The following ETFA variants were observed in gnomAD, a reference collection of about 807,000 sequenced individuals.
The protein encoded by ETFA is electron transfer flavoprotein subunit alpha, mitochondrial.
In ETFA, 22 loss-of-function variants were observed where a neutral mutation model predicts 46.2. The observed-to-expected ratio is 0.48, with a 90% CI of 0.34 to 0.68. The LOEUF is 0.68. ETFA is among the 30% of genes least tolerant of loss of function. The pLI is 0.01. For missense variants in ETFA, 345 were observed against 401.1 expected (o/e 0.86, Z 1.19); for synonymous variants, 131 against 139.9 (o/e 0.94, Z 0.45).
intron 5 of ETFA, among the ~76,000 whole-genome samples, chr15:76,286,893 A>G (rs2291449): frequency 0.064 from 9,809 of 152,304 alleles, 429 homozygotes; most frequent in Non-Finnish European, 0.091. Flanking sequence ...TGAAAACACA[A>G]TAGGTCATAA....
At chr15:76,236,602 A>G (rs184426203) in intron 9 of ETFA, among the ~76,000 whole-genome samples, 9 of 152,346 alleles carry the variant, frequency 5.9e-5, no homozygotes, top group African/African-American at 1.2e-4. Flanking sequence ...TACAGGTTCT[A>G]TTATGCTCAA....
intron 1 of ETFA, among the ~76,000 whole-genome samples, chr15:76,299,111 C>G (rs2039855996): frequency 6.6e-6 from 1 of 152,184 alleles, no homozygotes; most frequent in Admixed American, 6.5e-5. Context: ...ATCTCGATCT[C>G]TTCAAACACT....
intron 11 of ETFA, among the ~76,000 whole-genome samples, chr15:76,216,840 C>CTTTTTTTTTT (rs373144812): frequency 2.2e-5 from 2 of 89,276 alleles, no homozygotes; most frequent in Non-Finnish European, 4.0e-5. Context: ...TGCCTTTTGC[C>CTTTTTTTTTT]TTTTTTTTTT....
chr15:76,295,785 G>GTTTT, intron 1 of ETFA, 48 bp from the exon 2 acceptor site: 1 of 1,423,482 alleles, frequency 7.0e-7, no homozygotes, highest in Non-Finnish European at 9.5e-7. Context: ...GTTGTCACAG[G>GTTTT]GTTTTTTTTT....
intron 9 of ETFA, among the ~76,000 whole-genome samples, chr15:76,246,986 T>C (rs555899820): frequency 2.6e-5 from 4 of 152,350 alleles, no homozygotes; most frequent in Non-Finnish European, 4.4e-5. Flanking sequence ...TGCATTCCTA[T>C]ATATCTACAT....
chr15:76,295,827 TTA>T, intron 1 of ETFA, 90 bp from the exon 2 acceptor site: 1 of 981,070 alleles, frequency 1.0e-6, no homozygotes, highest in Non-Finnish European at 1.5e-6. Context: ...CATGTATGCT[TTA>T]AAGAAAACTA....
In ETFA at chr15:76,285,754, C is replaced by T. The variant is rs771138169; in HGVS notation, c.563-16G>A. On this transcript the variant is annotated splice_polypyrimidine_tract_variant and intron_variant, in intron 6 of 11. Transcript: ENST00000557943. Reference sequence around the variant, plus strand: ...GTACTTGATGCTGCATACATTAATACATAATAAAACAATGACTATGATTTC... The same window carrying T: ...GTACTTGATGCTGCATACATTAATATATAATAAAACAATGACTATGATTTC... 1 of 1,344,852 alleles carries T rather than the reference C, an allele frequency of 7.4e-7. No individual in the cohort carries two copies. Among genetic ancestry groups the T allele is most frequent in the Non-Finnish European group, 1.1e-6 (1 of 934,564 alleles). The allele number at this position is 1,344,852 out of a possible 1,614,324, so 83.3% of individuals were successfully genotyped here.
chr15:76,267,789 G>C (rs1282226919), intron 9 of ETFA, among the ~76,000 whole-genome samples: 1 of 152,086 alleles, frequency 6.6e-6, no homozygotes, highest in African/African-American at 2.4e-5. Context: ...CAGGACAAAA[G>C]GAAAATAAAA....
chr15:76,308,006 T>C (rs1051614629), intron 1 of ETFA, among the ~76,000 whole-genome samples: 1 of 152,090 alleles, frequency 6.6e-6, no homozygotes, highest in Non-Finnish European at 1.5e-5. Context: ...ATCACAAACA[T>C]ATATATGTAA....
intron 9 of ETFA, among the ~76,000 whole-genome samples, chr15:76,268,444 C>A (rs897035400): frequency 2.6e-5 from 4 of 152,106 alleles, no homozygotes; most frequent in Admixed American, 2.6e-4. Context: ...TGACATCAAC[C>A]CCCATAACAT....
chr15:76,281,191 G>C (rs1244692290), intron 8 of ETFA, among the ~76,000 whole-genome samples: 1 of 151,926 alleles, frequency 6.6e-6, no homozygotes, highest in African/African-American at 2.4e-5. Context: ...TTTTAGTAGA[G>C]GCGGGGTTTC....
intron 7 of ETFA, 29 bp downstream of exon 7, chr15:76,285,608 A>T: frequency 8.5e-7 from 1 of 1,180,596 alleles, no homozygotes; most frequent in Non-Finnish European, 1.3e-6. Flanking sequence ...TTTTCAATTT[A>T]CATCTTTTAA....
intron 9 of ETFA, 152 bp from the exon 10 acceptor site, chr15:76,231,550 C>T: frequency 1.8e-6 from 1 of 568,672 alleles, no homozygotes; most frequent in South Asian, 2.5e-5. Flanking sequence ...TTCTTTTTCT[C>T]TGATCTCCTT....
intron 9 of ETFA, among the ~76,000 whole-genome samples, chr15:76,233,788 C>T (rs545694162): frequency 6.6e-6 from 1 of 152,300 alleles, no homozygotes; most frequent in African/African-American, 2.4e-5. Context: ...AGCTATTTAG[C>T]TAGACACCAC....
At chr15:76,288,038 T>C in intron 4 of ETFA, 93 bp from the exon 5 acceptor site, 2 of 823,914 alleles carry the variant, frequency 2.4e-6, no homozygotes, top group South Asian at 1.4e-5. Flanking sequence ...GCATATTCTG[T>C]AGAAATTTTA....
At chr15:76,227,530 G>GAAAAAAAAAAAAAAAAAAAA (rs1567196426) in intron 10 of ETFA, among the ~76,000 whole-genome samples, 1 of 44,982 alleles carries the variant, frequency 2.2e-5, no homozygotes, top group African/African-American at 7.8e-5. Context: ...AAAAAAAAAG[G>GAAAAAAAAAAAAAAAAAAAA]AAAAGCTATC....
intron 9 of ETFA, chr15:76,259,456 G>T: frequency 1.1e-6 from 1 of 949,184 alleles, no homozygotes; most frequent in Non-Finnish European, 1.7e-6. Flanking sequence ...CACTCTGGAA[G>T]CTGTTTCAGG....
chr15:76,274,891 CAAAT>C (rs1278707077), intron 8 of ETFA, among the ~76,000 whole-genome samples: 1 of 152,170 alleles, frequency 6.6e-6, no homozygotes, highest in Admixed American at 6.5e-5. Context: ...ATCAAATTCA[CAAAT>C]AAAATTTAAC....
chr15:76,227,284 A>C (rs1389999831), intron 10 of ETFA, among the ~76,000 whole-genome samples: 1 of 152,036 alleles, frequency 6.6e-6, no homozygotes, highest in Non-Finnish European at 1.5e-5. Context: ...TGAGAGGCTG[A>C]GGCAGGCGGA....
Sources: gnomAD v4.1 joint callset for allele counts (sites outside exome capture counted in the v4.1 genomes callset) on GRCh38, gnomAD v4.1.1 for gene constraint, MANE v1.5 for transcripts, NCBI Gene and HGNC (gene_info 2026-07-23, HGNC 2026-07-21) for gene names.